The following RGS12 variants were observed in gnomAD, a reference collection of about 807,000 sequenced individuals.
The protein encoded by RGS12 is regulator of G protein signaling 12, also known as regulator of G-protein signaling 12.
Under a neutral mutation model 120.1 loss-of-function variants are expected in RGS12, and 66 were observed. The ratio of observed to expected loss-of-function variants is 0.55; its 90% CI spans 0.45 to 0.67. The LOEUF (loss-of-function observed/expected upper bound fraction) is 0.67, where lower values mean the gene tolerates loss of function less well. Ranked by LOEUF, RGS12 falls within the 30% of genes least tolerant of loss-of-function variation. The pLI, the probability that RGS12 is intolerant of heterozygous loss-of-function variation, is 0.00. For missense variants in RGS12, 1,859 were observed against 1,957.7 expected, an observed-to-expected ratio of 0.95 and a Z score of 0.95; for synonymous variants, 827 against 804.7, an observed-to-expected ratio of 1.03 and a Z score of -0.47.
intron 1 of RGS12, among the ~76,000 whole-genome samples, chr4:3,309,535 A>G (rs1724203060): frequency 9.1e-6 from 1 of 109,442 alleles, no homozygotes; most frequent in African/African-American, 3.9e-5. Context: ...AGGAGAGCTG[A>G]GCAGGAGAGG....
At chr4:3,325,395 G>A (rs1222880669) in intron 2 of RGS12, among the ~76,000 whole-genome samples, 1 of 152,172 alleles carries the variant, frequency 6.6e-6, no homozygotes, top group African/African-American at 2.4e-5. Flanking sequence ...GTATTAAGAG[G>A]TGAGGCCTTT....
intron 3 of RGS12, among the ~76,000 whole-genome samples, chr4:3,384,022 G>A (rs1192767915): frequency 6.6e-6 from 1 of 152,206 alleles, no homozygotes; most frequent in African/African-American, 2.4e-5. Context: ...GACATGAAGT[G>A]AAACACCTCC....
intron 3 of RGS12, among the ~76,000 whole-genome samples, chr4:3,355,038 G>T (rs1714729690): frequency 6.6e-6 from 1 of 152,162 alleles, no homozygotes; most frequent in Non-Finnish European, 1.5e-5. Context: ...AATAAACATA[G>T]ATGTGAGAAT....
In RGS12 at chr4:3,423,575, C is replaced by T. The variant is rs1723268556; in HGVS notation, c.3168C>T (p.Val1056=). The change falls in exon 13 of 18, where the codon GTC becomes GTT. Residue 1056 remains valine, a synonymous_variant. Coordinates refer to ENST00000336727, the MANE Select transcript of RGS12 (RefSeq NM_001394154.1). Reference sequence around the variant, plus strand: ...TCAAGGCCAAGCCCACCAAGCCCGTCACGGAGGTGCTGCGGCCCGTGGTGG... The same window carrying T: ...TCAAGGCCAAGCCCACCAAGCCCGTTACGGAGGTGCTGCGGCCCGTGGTGG... ...VGLKAKPTKP[V]TEVLRPVVAR... 6.2e-6 allele frequency: 10 copies of T among 1,612,760 alleles called. No individual in the cohort carries two copies. The South Asian group carries it at 8.8e-5, about 14-fold the overall frequency.
rs1304245802 is a variant in RGS12, at chr4:3,414,830, C to T, written c.2269C>T (p.His757Tyr). The stretch of plus-strand genomic sequence containing the variant: ...TGAATATTTTAATCATGTTCCTGCA[C>T]ATGACAAAAAGGAGGTAAGTCCACG... ...ACEYFNHVPA[H>Y]DKKELSYRAR... Residue 757 changes from histidine (H) to tyrosine (Y), a missense_variant, in exon 6 of 18, where the codon CAT (histidine) becomes TAT (tyrosine). His to Tyr is a moderately conservative substitution (Grantham distance 83). This residue lies in a region of RGS12 where 375 missense variants were observed against 475.0 expected (regional missense o/e 0.79). Coordinates refer to ENST00000336727, the MANE Select transcript of RGS12 (RefSeq NM_001394154.1). The T allele has an allele frequency of 6.2e-7, 1 of 1,612,650 alleles. No individual in the cohort carries two copies. The highest frequency in any genetic ancestry group is 1.1e-5 in the South Asian group (1 of 91,038).
intron 3 of RGS12, among the ~76,000 whole-genome samples, chr4:3,371,617 G>A (rs1464225195): frequency 2.0e-5 from 3 of 152,180 alleles, no homozygotes; most frequent in African/African-American, 4.8e-5. Flanking sequence ...TGATGTGGTC[G>A]TCAGGCATCA....
chr4:3,337,914 T>G (rs1299668972), intron 2 of RGS12, among the ~76,000 whole-genome samples: 1 of 152,216 alleles, frequency 6.6e-6, no homozygotes, highest in African/African-American at 2.4e-5. Context: ...CAGCAGGAGC[T>G]GGGTGTTGTC....
At position 3,439,748 on chromosome 4, in the gene RGS12, G is replaced by A. The variant is rs1401241319; in HGVS notation, c.*64G>A. Reference sequence around the variant, plus strand: ...GGGTGGGGCAGCCCAGGTGGATTCTGTGGGCCTCAGGGGGGCCACCCTGGC... The same window carrying A: ...GGGTGGGGCAGCCCAGGTGGATTCTATGGGCCTCAGGGGGGCCACCCTGGC... On this transcript the variant is annotated 3_prime_UTR_variant, in exon 18 of 18. Transcript: ENST00000336727. 7 of 1,413,532 alleles carry A rather than the reference G, an allele frequency of 5.0e-6. No homozygotes were observed. The African/African-American group carries it at 5.9e-5, about 12-fold the overall frequency. 87.6% of individuals were successfully genotyped at this position (1,413,532 alleles called of 1,614,324 possible). A position where few individuals can be genotyped will look rare whatever the true frequency, so the allele number is the denominator to read the frequency against.
In RGS12 at chr4:3,433,127, C is replaced by T. The variant is rs111971959; in HGVS notation, c.4114+2172C>T. On this transcript the variant is annotated intron_variant, in intron 17 of 17. Coordinates refer to ENST00000336727, the MANE Select transcript of RGS12 (RefSeq NM_001394154.1). This position sits in a 1 kb window ranked among gnomAD's most constrained non-coding sequence, Gnocchi z 4.4. ...CCTCTTTCACATCTGTGGGCCGGGG[C>T]GAGCCTGGACTGAGTGCTGACCTGT... 4.3e-3 allele frequency among the ~76,000 whole-genome samples: 649 copies of T among 152,328 alleles called. 6 individuals carry two copies. Among genetic ancestry groups the T allele is most frequent in the African/African-American group, 0.015 (626 of 41,576 alleles).
intron 4 of RGS12, 122 bp downstream of exon 4, chr4:3,386,559 G>A: frequency 1.2e-6 from 1 of 853,076 alleles, no homozygotes; most frequent in South Asian, 1.5e-5. Flanking sequence ...CTGTCTCCTT[G>A]TGGGCGGGTT....
intron 11 of RGS12, 65 bp from the exon 12 acceptor site, chr4:3,422,840 C>CGTG (rs1378995681): frequency 7.1e-7 from 1 of 1,399,306 alleles, no homozygotes; most frequent in Non-Finnish European, 1.0e-6. Flanking sequence ...GCCTGGGGCA[C>CGTG]GTGGGTCTGC....
intron 16 of RGS12, among the ~76,000 whole-genome samples, chr4:3,430,120 T>C (rs1724104411): frequency 6.6e-6 from 1 of 152,174 alleles, no homozygotes; most frequent in Non-Finnish European, 1.5e-5. Context: ...CGCGTAACCG[T>C]GTTGAGTCAA....
At chr4:3,423,045 T>A in intron 12 of RGS12, 67 bp downstream of exon 12, 2 of 1,194,520 alleles carry the variant, frequency 1.7e-6, no homozygotes, top group Non-Finnish European at 2.4e-6. Flanking sequence ...CACCACCTGC[T>A]GGTCTCTGCG....
chr4:3,437,099 C>T (rs1023851409), intron 17 of RGS12, among the ~76,000 whole-genome samples: 1 of 152,228 alleles, frequency 6.6e-6, no homozygotes, highest in Admixed American at 6.5e-5. Flanking sequence ...CCGGGCAGGC[C>T]CTGGCATGTA....
intron 4 of RGS12, chr4:3,413,834 T>G (rs2109100222): frequency 3.9e-6 from 2 of 506,592 alleles, no homozygotes; most frequent in African/African-American, 1.9e-5. Context: ...GTGTGTGTGC[T>G]CGTGCACACA....
upstream of RGS12, among the ~76,000 whole-genome samples, chr4:3,291,731 C>T (rs903274762): frequency 6.6e-6 from 1 of 152,180 alleles, no homozygotes; most frequent in African/African-American, 2.4e-5. Context: ...GTATCTCTCT[C>T]TCTTTGTCTG....
chr4:3,419,177 A>G (rs1010863744), intron 9 of RGS12: 1 of 152,150 alleles, frequency 6.6e-6, no homozygotes, highest in Non-Finnish European at 1.5e-5. Flanking sequence ...CTAAAAATAC[A>G]AAAATTAGCC....
chr4:3,319,147 C>A (rs1725014919), intron 2 of RGS12, among the ~76,000 whole-genome samples: 1 of 152,146 alleles, frequency 6.6e-6, no homozygotes, highest in South Asian at 2.1e-4. Flanking sequence ...AAGGAAGGAG[C>A]CGGCTGCCGT....
intron 1 of RGS12, among the ~76,000 whole-genome samples, chr4:3,312,224 A>AT (rs1286418865): frequency 6.6e-6 from 1 of 152,194 alleles, no homozygotes; most frequent in African/African-American, 2.4e-5. Flanking sequence ...TAGCTTTACT[A>AT]TTAATTGATA....
Sources: gnomAD v4.1 joint callset for allele counts (sites outside exome capture counted in the v4.1 genomes callset) on GRCh38, gnomAD v4.1.1 for gene constraint, gnomAD v4.1.1 regional missense constraint, Gnocchi (gnomAD v3.1) non-coding constraint, MANE v1.5 for transcripts, NCBI Gene and HGNC (gene_info 2026-07-23, HGNC 2026-07-21) for gene names.